Variants in ZBTB8B observed in about 807,000 individuals in gnomAD.
The protein encoded by ZBTB8B is zinc finger and BTB domain containing 8B.
Under a neutral mutation model 30.3 loss-of-function variants are expected in ZBTB8B, and 17 were observed. That is an observed-to-expected ratio of 0.56 (90% CI 0.38 to 0.84). ZBTB8B has a LOEUF of 0.84. Among genes scored for constraint, ZBTB8B ranks in the 40% least tolerant of loss-of-function variants. The pLI, the probability that ZBTB8B is intolerant of heterozygous loss-of-function variation, is 0.00. For missense variants in ZBTB8B, 515 were observed against 644.9 expected (o/e 0.80, Z 2.18); for synonymous variants, 248 against 255.6 (o/e 0.97, Z 0.28).
Position 32,490,663 on chromosome 1 carries a change from C to T in ZBTB8B, c.*5245C>T, listed in dbSNP as rs1250931680. On this transcript the variant is annotated 3_prime_UTR_variant, in exon 4 of 4. Transcript: ENST00000609129. ...GGAGTGCAGTGGCACAATCTCGGCT[C>T]ACTGCAAGCTCCGCCTCCTGGGTTC... The T allele has an allele frequency of 6.6e-6, 1 of 152,142 alleles. No homozygotes were observed. The highest frequency in any genetic ancestry group is 2.4e-5 in the African/African-American group (1 of 41,394). 9.4% of individuals were successfully genotyped at this position (152,142 alleles called of 1,614,324 possible). A position where few individuals can be genotyped will look rare whatever the true frequency, so the allele number is the denominator to read the frequency against.
At chr1:32,480,686 A>C (rs1343377983) in intron 2 of ZBTB8B, among the ~76,000 whole-genome samples, 2 of 152,196 alleles carry the variant, frequency 1.3e-5, no homozygotes, top group African/African-American at 4.8e-5. Flanking sequence ...TAAGAAGTCC[A>C]CTTTACTTTA....
At chr1:32,469,739 T>A (rs1483644180) in intron 1 of ZBTB8B, among the ~76,000 whole-genome samples, 2 of 152,228 alleles carry the variant, frequency 1.3e-5, no homozygotes, top group African/African-American at 4.8e-5. Context: ...TATTAATATT[T>A]ACTTACAAGG....
At chr1:32,474,118 T>C (rs1643644182) in intron 2 of ZBTB8B, among the ~76,000 whole-genome samples, 1 of 151,808 alleles carries the variant, frequency 6.6e-6, no homozygotes, top group African/African-American at 2.4e-5. Flanking sequence ...CTCAAAGTGC[T>C]AGGATTACAA....
At position 32,471,193 on chromosome 1, in the gene ZBTB8B, G is replaced by GA; in HGVS notation, c.570dup (p.Glu191ArgfsTer6). 1 of 1,551,942 alleles carries GA rather than the reference G, an allele frequency of 6.4e-7. No individual in the cohort carries two copies. Among genetic ancestry groups the GA allele is most frequent in the Non-Finnish European group, 8.7e-7 (1 of 1,147,054 alleles). The stretch of plus-strand genomic sequence containing the variant: ...GGAGAAAAGAGCGTGGAGTGCCTGA[G>GA]AGAGTCCCCTTGCGGTGACTGCGGA... On this transcript the variant is annotated frameshift_variant, in exon 2 of 4. Transcript: ENST00000609129. LOFTEE classifies it high-confidence loss of function.
rs1234473156 is a variant in ZBTB8B at position 32,495,426 on chromosome 1, A to G, written c.*10008A>G. The G allele has an allele frequency of 6.6e-6, 1 of 152,196 alleles. No individual in the cohort carries two copies. Among genetic ancestry groups the G allele is most frequent in the Admixed American group, 6.5e-5 (1 of 15,274 alleles). 9.4% of individuals were successfully genotyped at this position (152,196 alleles called of 1,614,324 possible). On this transcript the variant is annotated 3_prime_UTR_variant, in exon 4 of 4. Coordinates refer to ENST00000609129, the MANE Select transcript of ZBTB8B (RefSeq NM_001145720.2). The stretch of plus-strand genomic sequence containing the variant: ...GATTAAAATTAACTTAGGGCCATCA[A>G]AAATGCAAATTATCTTTAATTTGGT...
At chr1:32,478,293 C>G (rs866414881) in intron 2 of ZBTB8B, among the ~76,000 whole-genome samples, 3 of 152,044 alleles carry the variant, frequency 2.0e-5, no homozygotes, top group Middle Eastern at 3.4e-3. Flanking sequence ...GGGTGGATCA[C>G]TTGAGGTCAG....
At position 32,470,513 on chromosome 1, in the gene ZBTB8B, A is replaced by AAG; in HGVS notation, c.-41-70_-41-69insGA. 1.5e-5 allele frequency: 16 copies of AAG among 1,091,432 alleles called. No homozygotes were observed. In the East Asian group the frequency reaches 2.2e-4, roughly 15 times the overall value. 67.6% of individuals were successfully genotyped at this position (1,091,432 alleles called of 1,614,324 possible). On this transcript the variant is annotated intron_variant, in intron 1 of 3. Coordinates refer to ENST00000609129, the MANE Select transcript of ZBTB8B (RefSeq NM_001145720.2). ...AGACGCTGACTCAAAAAAAAAAAAAAAAAAAAAAAAAAAGAAATCTTGTTT... is the reference window on the plus strand; with the variant it reads ...AGACGCTGACTCAAAAAAAAAAAAAAAGAAAAAAAAAAAAAGAAATCTTGTTT...
intron 3 of ZBTB8B, among the ~76,000 whole-genome samples, chr1:32,482,824 G>C (rs776371945): frequency 2.6e-5 from 4 of 151,826 alleles, no homozygotes; most frequent in Admixed American, 2.6e-4. Context: ...CCTGGGCAAA[G>C]GATTTGAATA....
rs139829997 is a variant in ZBTB8B at position 32,480,739 on chromosome 1, C to T, written c.992-152C>T. On this transcript the variant is annotated intron_variant, in intron 2 of 3. Transcript: ENST00000609129. Reference sequence around the variant, plus strand: ...AGCCAGACTGAGTTGGAATTGCAGACGATGTCTTGCTGTTGGCTGGTGGCG... The same window carrying T: ...AGCCAGACTGAGTTGGAATTGCAGATGATGTCTTGCTGTTGGCTGGTGGCG... Among the ~76,000 whole-genome samples, 497 of 152,310 alleles carry T rather than the reference C, an allele frequency of 3.3e-3. 2 individuals carry two copies. Among genetic ancestry groups the T allele is most frequent in the African/African-American group, 0.011 (450 of 41,562 alleles).
At chr1:32,478,904 A>C (rs1387010811) in intron 2 of ZBTB8B, among the ~76,000 whole-genome samples, 1 of 152,222 alleles carries the variant, frequency 6.6e-6, no homozygotes, top group African/African-American at 2.4e-5. Context: ...AATTCTGAAG[A>C]GATTACGATG....
At chr1:32,470,526 A>AAAAAAT in intron 1 of ZBTB8B, 58 bp from the exon 2 acceptor site, 1 of 1,035,282 alleles carries the variant, frequency 9.7e-7, no homozygotes, top group Non-Finnish European at 1.3e-6. Context: ...AAAAAAAAAA[A>AAAAAAT]GAAATCTTGT....
At position 32,470,848 on chromosome 1, in the gene ZBTB8B, C is replaced by A. The variant is rs759005393; in HGVS notation, c.224C>A (p.Ala75Asp). The A allele has an allele frequency of 1.8e-4, 284 of 1,551,794 alleles. No individual in the cohort carries two copies. The highest frequency in any genetic ancestry group is 2.3e-4 in the Non-Finnish European group (264 of 1,147,046). The stretch of plus-strand genomic sequence containing the variant: ...TCCTTGGACATTGTCACCTCTGATG[C>A]CTTCTCCATCATCTTAGATTTCCTC... The part of the protein sequence containing the change: ...TASLDIVTSD[A>D]FSIILDFLYS... Residue 75 changes from alanine (A) to aspartate (D), a missense_variant, in exon 2 of 4, where the codon GCC becomes GAC. Transcript: ENST00000609129.
intron 2 of ZBTB8B, among the ~76,000 whole-genome samples, chr1:32,472,348 GA>G (rs373466908): frequency 1.3e-5 from 2 of 152,252 alleles, no homozygotes; most frequent in African/African-American, 4.8e-5. Context: ...TGTAAAACGG[GA>G]ATAATCATCC....
chr1:32,485,243 T>G lies in ZBTB8B; in HGVS notation c.1313T>G (p.Met438Arg), dbSNP rs1229973499. ...TDTPDDDDDL[M>R]PINLSLVEAS... ...ACACCCGATGATGATGATGATTTGA[T>G]GCCCATCAACCTTAGCTTGGTGGAG... Residue 438 changes from methionine (M) to arginine (R), a missense_variant, in exon 4 of 4, where the codon ATG becomes AGG. Met to Arg is a moderately conservative substitution (Grantham distance 91). This residue lies in a region of ZBTB8B where 429 missense variants were observed against 504.3 expected (regional missense o/e 0.85). Transcript: ENST00000609129. The G allele has an allele frequency of 6.4e-7, 1 of 1,552,052 alleles. No individual in the cohort carries two copies. The highest frequency in any genetic ancestry group is 2.0e-5 in the Admixed American group (1 of 50,998).
chr1:32,491,451 T>G lies in ZBTB8B; in HGVS notation c.*6033T>G, dbSNP rs1020497081. 6.6e-6 allele frequency: 1 copy of G among 152,298 alleles called. No homozygotes were observed. The highest frequency in any genetic ancestry group is 3.4e-3 in the Middle Eastern group (1 of 294). 9.4% of individuals were successfully genotyped at this position (152,298 alleles called of 1,614,324 possible). A position where few individuals can be genotyped will look rare whatever the true frequency, so the allele number is the denominator to read the frequency against. On this transcript the variant is annotated 3_prime_UTR_variant, in exon 4 of 4. Coordinates refer to ENST00000609129, the MANE Select transcript of ZBTB8B (RefSeq NM_001145720.2). ...CTGCCACACTTGGCATCAGATTCAC[T>G]TAAAAGGATATAGAATGGGAAGCAC... is the stretch of plus-strand genomic sequence containing the variant.
At chr1:32,483,746 G>A (rs1469520381) in intron 3 of ZBTB8B, among the ~76,000 whole-genome samples, 1 of 151,244 alleles carries the variant, frequency 6.6e-6, no homozygotes, top group Non-Finnish European at 1.5e-5. Flanking sequence ...TGTCCAATGA[G>A]AGGGAAAAAA....
intron 2 of ZBTB8B, among the ~76,000 whole-genome samples, chr1:32,477,917 C>T (rs1386015262): frequency 1.3e-5 from 2 of 151,934 alleles, no homozygotes; most frequent in Non-Finnish European, 2.9e-5. Flanking sequence ...ATTAGCCAGG[C>T]ATGGTGGTAC....
intron 2 of ZBTB8B, among the ~76,000 whole-genome samples, chr1:32,479,454 T>G (rs541572918): frequency 6.6e-6 from 1 of 151,920 alleles, no homozygotes; most frequent in Non-Finnish European, 1.5e-5. Flanking sequence ...ACCCAGGAGG[T>G]GGAGGTTGCA....
At position 32,490,516 on chromosome 1, in the gene ZBTB8B, GAA is replaced by G. The variant is rs1643772342; in HGVS notation, c.*5101_*5102del. On this transcript the variant is annotated 3_prime_UTR_variant, in exon 4 of 4. Transcript: ENST00000609129. ...AAATGATGTTTCTGTAGAGAAAAACGAAAAGTGTTTTGGGGTCAGAGTAGTTT... is the reference window on the plus strand; with the variant it reads ...AAATGATGTTTCTGTAGAGAAAAACGAAGTGTTTTGGGGTCAGAGTAGTTT... 1 of 152,206 alleles carries G rather than the reference GAA, an allele frequency of 6.6e-6. No homozygotes were observed. The highest frequency in any genetic ancestry group is 2.4e-5 in the African/African-American group (1 of 41,458). The allele number at this position is 152,206 out of a possible 1,614,324, so 9.4% of individuals were successfully genotyped here.
Sources: allele counts gnomAD v4.1 joint callset (sites outside exome capture counted in the v4.1 genomes callset), GRCh38; gene constraint gnomAD v4.1.1; regional missense constraint gnomAD v4.1.1; transcripts MANE v1.5; gene names NCBI Gene and HGNC (gene_info 2026-07-23, HGNC 2026-07-21).